The following CCDC149 variants were observed in gnomAD, a reference collection of about 807,000 sequenced individuals.
The protein encoded by CCDC149 is coiled-coil domain containing 149, also known as coiled-coil domain-containing protein 149.
In CCDC149, 45 loss-of-function variants were observed where a neutral mutation model predicts 59.9. The observed-to-expected ratio is 0.75, with a 90% CI of 0.59 to 0.96. CCDC149 has a LOEUF of 0.96. CCDC149 is among the 40% of genes least tolerant of loss of function. CCDC149 has a pLI of 0.00. For missense variants in CCDC149, 584 were observed against 664.7 expected (o/e 0.88, Z 1.33); for synonymous variants, 245 against 260.6 (o/e 0.94, Z 0.58).
chr4:24,953,559 C>T (rs1447034866), intron 1 of CCDC149, among the ~76,000 whole-genome samples: 2 of 152,272 alleles, frequency 1.3e-5, no homozygotes, highest in Admixed American at 1.3e-4. Context: ...TGGCAAACAG[C>T]AAACTCTAGA....
rs942965271 is a variant in CCDC149 at position 24,807,978 on chromosome 4, G to A, written c.*411C>T. The A allele has an allele frequency of 1.3e-5, 2 of 153,982 alleles. No individual in the cohort carries two copies. Among genetic ancestry groups the A allele is most frequent in the Non-Finnish European group, 2.9e-5 (2 of 69,412 alleles). The allele number at this position is 153,982 out of a possible 1,614,324, so 9.5% of individuals were successfully genotyped here. A position where few individuals can be genotyped will look rare whatever the true frequency, so the allele number is the denominator to read the frequency against. ...CAGCTGCCTAACCTTGACCAAGATG[G>A]GGACCTGATTAAAAACCCCATCAGT... On this transcript the variant is annotated 3_prime_UTR_variant, in exon 13 of 13. Coordinates refer to ENST00000635206, the MANE Select transcript of CCDC149 (RefSeq NM_001330643.2).
intron 1 of CCDC149, among the ~76,000 whole-genome samples, chr4:24,947,857 T>G (rs552349155): frequency 6.6e-6 from 1 of 152,270 alleles, no homozygotes; most frequent in African/African-American, 2.4e-5. Context: ...TTAGTGGCAT[T>G]GATGGATTAT....
intron 12 of CCDC149, 37 bp from the exon 13 acceptor site, chr4:24,808,856 A>G (rs1161352968): frequency 2.0e-6 from 3 of 1,501,356 alleles, no homozygotes; most frequent in Admixed American, 4.3e-5. Flanking sequence ...AACCTCTGGC[A>G]GCAAATCAGC....
At chr4:24,869,215 A>G (rs1030239398) in intron 3 of CCDC149, among the ~76,000 whole-genome samples, 8 of 152,248 alleles carry the variant, frequency 5.3e-5, no homozygotes, top group African/African-American at 1.9e-4. Flanking sequence ...ACCCTGAAAC[A>G]GGCCATTGGC....
intron 1 of CCDC149, among the ~76,000 whole-genome samples, chr4:24,970,326 G>A (rs753528961): frequency 3.3e-5 from 5 of 152,216 alleles, no homozygotes; most frequent in Non-Finnish European, 7.3e-5. Flanking sequence ...AGCATCTGCA[G>A]ACAACTGCAC....
intron 4 of CCDC149, among the ~76,000 whole-genome samples, chr4:24,849,494 C>G (rs1717522003): frequency 6.6e-6 from 1 of 152,132 alleles, no homozygotes; most frequent in South Asian, 2.1e-4. Flanking sequence ...ACAGGCTCCC[C>G]CCATCACAGG....
At position 24,853,171 on chromosome 4, in the gene CCDC149, A is replaced by G; in HGVS notation, c.273T>C (p.Leu91=). 1 of 1,604,570 alleles carries G rather than the reference A, an allele frequency of 6.2e-7. No homozygotes were observed. The highest frequency in any genetic ancestry group is 8.5e-7 in the Non-Finnish European group (1 of 1,171,520). Residue 91 remains leucine, a synonymous_variant, in exon 4 of 13, where the codon CTT becomes CTC. Coordinates refer to ENST00000635206, the MANE Select transcript of CCDC149 (RefSeq NM_001330643.2). Reference sequence around the variant, plus strand: ...CCTGAGAATCTCTCAATAGTTGTGCAAGATTAGCCTAGAAATATCAACACA... The same window carrying G: ...CCTGAGAATCTCTCAATAGTTGTGCGAGATTAGCCTAGAAATATCAACACA...
At chr4:24,900,412 T>G (rs1477732908) in intron 1 of CCDC149, among the ~76,000 whole-genome samples, 2 of 152,180 alleles carry the variant, frequency 1.3e-5, no homozygotes, top group Non-Finnish European at 2.9e-5. Context: ...GGCACATCCA[T>G]GAGCTACTTT....
chr4:24,963,366 G>T (rs558158151), intron 1 of CCDC149, among the ~76,000 whole-genome samples: 2 of 152,262 alleles, frequency 1.3e-5, no homozygotes, highest in East Asian at 3.9e-4. Context: ...ATTTATGGGT[G>T]AACAGAGCCT....
Position 24,853,099 on chromosome 4 carries a change from C to G in CCDC149, c.345G>C (p.Arg115Ser), listed in dbSNP as rs201561233. 515 of 1,613,058 alleles carry G rather than the reference C, an allele frequency of 3.2e-4. No individual in the cohort carries two copies. The highest frequency in any genetic ancestry group is 4.0e-4 in the Non-Finnish European group (475 of 1,179,166). The change falls in exon 4 of 13, where the codon AGG becomes AGC. Residue 115 changes from arginine (R) to serine (S), a missense_variant. Coordinates refer to ENST00000635206, the MANE Select transcript of CCDC149 (RefSeq NM_001330643.2). ...TGTTGTCGCCCTGGACTTCTCCAAG[C>G]CTTTGCTGAAGTTCTTTAATTTCTT...
At chr4:24,943,866 CCA>C in intron 1 of CCDC149, among the ~76,000 whole-genome samples, 1 of 152,184 alleles carries the variant, frequency 6.6e-6, no homozygotes, top group East Asian at 1.9e-4. Flanking sequence ...CAATGAGATA[CCA>C]GTTAGAATGG....
chr4:24,927,560 T>C (rs897351301), intron 1 of CCDC149, among the ~76,000 whole-genome samples: 4 of 152,228 alleles, frequency 2.6e-5, no homozygotes, highest in African/African-American at 4.8e-5. Flanking sequence ...AGTTGTAACG[T>C]TGATTAAAGC....
chr4:24,894,857 A>G (rs1577460664), intron 1 of CCDC149: 2 of 1,096,706 alleles, frequency 1.8e-6, no homozygotes, highest in Middle Eastern at 4.1e-4. Context: ...AGTCGCTGAC[A>G]CCCCTGCAGC....
At chr4:24,855,261 G>A (rs540374138) in intron 3 of CCDC149, among the ~76,000 whole-genome samples, 1 of 152,246 alleles carries the variant, frequency 6.6e-6, no homozygotes, top group African/African-American at 2.4e-5. Context: ...ATGGAGACTT[G>A]CATAGAAAAT....
intron 9 of CCDC149, 73 bp from the exon 10 acceptor site, chr4:24,822,646 G>T: frequency 2.9e-6 from 3 of 1,018,464 alleles, no homozygotes. Flanking sequence ...AATCCCACTG[G>T]TGCCCTAGTA....
intron 3 of CCDC149, among the ~76,000 whole-genome samples, chr4:24,863,628 G>T (rs1272568933): frequency 6.6e-6 from 1 of 152,198 alleles, no homozygotes; most frequent in African/African-American, 2.4e-5. Flanking sequence ...TAGACACTAG[G>T]AATAATAGCT....
intron 1 of CCDC149, among the ~76,000 whole-genome samples, chr4:24,879,801 G>A (rs2109256969): frequency 6.6e-6 from 1 of 152,256 alleles, no homozygotes; most frequent in African/African-American, 2.4e-5. Context: ...CAGAATCTCT[G>A]GTGCCTGGCT....
chr4:24,839,566 T>C (rs897297103), intron 4 of CCDC149, among the ~76,000 whole-genome samples: 2 of 152,184 alleles, frequency 1.3e-5, no homozygotes, highest in African/African-American at 4.8e-5. Context: ...AGGAATAAAA[T>C]TGCAGTCTTC....
chr4:24,819,879 T>C lies in CCDC149; in HGVS notation c.1172A>G (p.Asn391Ser). Reference sequence around the variant, plus strand: ...CTTACCATCCTTGGGATCTGCTTTGTTCTCAGTGGGCTGCTCGACAAACTT... The same window carrying C: ...CTTACCATCCTTGGGATCTGCTTTGCTCTCAGTGGGCTGCTCGACAAACTT... The change falls in exon 12 of 13, where the codon AAC (asparagine) becomes AGC (serine). Residue 391 changes from asparagine (N) to serine (S), a missense_variant. Transcript: ENST00000635206. The C allele has an allele frequency of 6.4e-7, 1 of 1,551,502 alleles. No homozygotes were observed.
Sources: gnomAD v4.1 joint callset for allele counts (sites outside exome capture counted in the v4.1 genomes callset) on GRCh38, gnomAD v4.1.1 for gene constraint, MANE v1.5 for transcripts, NCBI Gene and HGNC (gene_info 2026-07-23, HGNC 2026-07-21) for gene names.